The following DAGLA variants were observed in gnomAD, a reference collection of about 807,000 sequenced individuals.
DAGLA encodes diacylglycerol lipase alpha, also known as diacylglycerol lipase-alpha.
In DAGLA, 22 loss-of-function variants were observed where a neutral mutation model predicts 102.6. That is an observed-to-expected ratio of 0.21 (90% CI 0.15 to 0.31). The LOEUF is 0.31. Among genes scored for constraint, DAGLA ranks in the 10% least tolerant of loss-of-function variants. The probability of loss-of-function intolerance (pLI) is 1.00; values close to 1 mark genes in which losing one functional copy is unlikely to be tolerated. For missense variants in DAGLA, 927 were observed against 1,446.6 expected (o/e 0.64, Z 5.83); for synonymous variants, 578 against 628.9 (o/e 0.92, Z 1.21).
chr11:61,717,348 T>C (rs1306839430), intron 1 of DAGLA, among the ~76,000 whole-genome samples: 1 of 151,948 alleles, frequency 6.6e-6, no homozygotes, highest in African/African-American at 2.4e-5. Flanking sequence ...CCAACCCTTA[T>C]GCAGCACAGG....
chr11:61,702,222 T>C (rs2065114834), intron 1 of DAGLA, among the ~76,000 whole-genome samples: 1 of 151,812 alleles, frequency 6.6e-6, no homozygotes. Flanking sequence ...CTCTCTCTCT[T>C]TCTCTCTCTC....
intron 16 of DAGLA, 68 bp from the exon 17 acceptor site, chr11:61,739,397 C>T (rs2065455745): frequency 2.0e-6 from 3 of 1,510,688 alleles, no homozygotes; most frequent in Non-Finnish European, 2.7e-6. Flanking sequence ...TTCTCGGTCC[C>T]CCTGCCCCTG....
intron 17 of DAGLA, among the ~76,000 whole-genome samples, chr11:61,739,893 C>T (rs1565264983): frequency 1.3e-5 from 2 of 152,226 alleles, no homozygotes; most frequent in Non-Finnish European, 2.9e-5. Context: ...GCTTTGCCTC[C>T]AGTGTCAGCC....
rs2064971263 is a variant in DAGLA at position 61,684,584 on chromosome 11, G to A, written c.-45+4080G>A. Among the ~76,000 whole-genome samples the A allele has an allele frequency of 6.6e-6, 1 of 152,120 alleles. No individual in the cohort carries two copies. The highest frequency in any genetic ancestry group is 6.5e-5 in the Admixed American group (1 of 15,274). On this transcript the variant is annotated intron_variant, in intron 1 of 19. Transcript: ENST00000257215. The surrounding 1 kb of genome is among the most constrained non-coding windows in gnomAD (Gnocchi z 4.5). ...CAGGGAGATGCCGTGGAGGGGATTG[G>A]TGTGACCACGGGTAAGGGTGTTTTC... is the stretch of plus-strand genomic sequence containing the variant.
At chr11:61,683,934 C>A (rs546050363) in intron 1 of DAGLA, among the ~76,000 whole-genome samples, 1 of 152,294 alleles carries the variant, frequency 6.6e-6, no homozygotes, top group African/African-American at 2.4e-5. Flanking sequence ...AGTCATATTC[C>A]CATTTTCCTT....
intron 5 of DAGLA, 72 bp from the exon 6 acceptor site, chr11:61,725,923 C>T: frequency 7.1e-7 from 1 of 1,412,686 alleles, no homozygotes; most frequent in Non-Finnish European, 1.0e-6. Context: ...GCCCTGTTTC[C>T]ATAACGTCTG....
chr11:61,682,727 G>T (rs1426165138), intron 1 of DAGLA, among the ~76,000 whole-genome samples: 4 of 152,128 alleles, frequency 2.6e-5, no homozygotes, highest in Admixed American at 6.5e-5. Flanking sequence ...GGGGTGGGGA[G>T]CAGTCACATC....
chr11:61,736,171 A>G, intron 12 of DAGLA, 99 bp from the exon 13 acceptor site: 1 of 1,024,816 alleles, frequency 9.8e-7, no homozygotes, highest in Non-Finnish European at 1.5e-6. Flanking sequence ...CCAAAGGGAA[A>G]AATGGATGGG....
chr11:61,743,806 G>A lies in DAGLA; in HGVS notation c.2446G>A (p.Asp816Asn). The A allele has an allele frequency of 1.9e-6, 3 of 1,612,570 alleles. No homozygotes were observed. The highest frequency in any genetic ancestry group is 2.5e-6 in the Non-Finnish European group (3 of 1,179,948). The change falls in exon 20 of 20, where the codon GAT (aspartate) becomes AAT (asparagine). Residue 816 changes from aspartate (D) to asparagine (N), a missense_variant. This residue lies in a region of DAGLA where 434 missense variants were observed against 503.3 expected (regional missense o/e 0.86). Coordinates refer to ENST00000257215, the MANE Select transcript of DAGLA (RefSeq NM_006133.3). ...CAGCCTCCACGCTGTGCTGGAGCGT[G>A]ATGAAGGCCACCTCTTCTACATTGA... ...SPSLHAVLER[D>N]EGHLFYIDPA...
chr11:61,741,212 G>A lies in DAGLA; in HGVS notation c.2034G>A (p.Lys678=). ...KGKTALLSAA[K]VMVSPTEVDL... ...AGACCGCTCTGCTCTCTGCAGCCAAGGTCATGGTGAGCCCTACCGAGGTGG... is the reference window on the plus strand; with the variant it reads ...AGACCGCTCTGCTCTCTGCAGCCAAAGTCATGGTGAGCCCTACCGAGGTGG... The change falls in exon 19 of 20, where the codon AAG becomes AAA. Residue 678 remains lysine, a synonymous_variant. Transcript: ENST00000257215. 1 of 1,613,618 alleles carries A rather than the reference G, an allele frequency of 6.2e-7. No individual in the cohort carries two copies. Among genetic ancestry groups the A allele is most frequent in the East Asian group, 2.2e-5 (1 of 44,890 alleles).
chr11:61,730,872 C>G (rs534263721), intron 8 of DAGLA, among the ~76,000 whole-genome samples: 1 of 152,334 alleles, frequency 6.6e-6, no homozygotes, highest in South Asian at 2.1e-4. Context: ...TGCCCTGTTG[C>G]CCAAGGCCCA....
At position 61,712,933 on chromosome 11, in the gene DAGLA, C is replaced by T. The variant is rs1478152081; in HGVS notation, c.-44-7179C>T. Among the ~76,000 whole-genome samples, 8 of 152,188 alleles carry T rather than the reference C, an allele frequency of 5.3e-5. 1 individual carries two copies. Among genetic ancestry groups the T allele is most frequent in the Admixed American group, 6.5e-5 (1 of 15,288 alleles). ...TGAAATCCCAGCTCTGCGATGTCCT[C>T]GTGGAGGGATCTTCGTGCAAACCAT... On this transcript the variant is annotated intron_variant, in intron 1 of 19. Transcript: ENST00000257215.
chr11:61,720,350 C>A, intron 2 of DAGLA, 100 bp downstream of exon 2: 2 of 1,210,690 alleles, frequency 1.7e-6, no homozygotes, highest in Non-Finnish European at 2.4e-6. Context: ...GCCCAAGTCC[C>A]AACCCTGTCA....
At chr11:61,716,898 C>T (rs1436173859) in intron 1 of DAGLA, among the ~76,000 whole-genome samples, 1 of 152,120 alleles carries the variant, frequency 6.6e-6, no homozygotes, top group African/African-American at 2.4e-5. Flanking sequence ...TAAGTCATTC[C>T]ATCCATGTGA....
At chr11:61,710,728 C>CG (rs2065187960) in intron 1 of DAGLA, among the ~76,000 whole-genome samples, 1 of 152,114 alleles carries the variant, frequency 6.6e-6, no homozygotes, top group African/African-American at 2.4e-5. Context: ...ACTTAGATCG[C>CG]GGAGAGTTAT....
rs541239821 is a variant in DAGLA at position 61,723,155 on chromosome 11, A to G, written c.409+195A>G. Among the ~76,000 whole-genome samples the G allele has an allele frequency of 2.6e-5, 4 of 152,270 alleles. No homozygotes were observed. In the East Asian group the frequency reaches 7.7e-4, roughly 29 times the overall value. Reference sequence around the variant, plus strand: ...TACCTGGTCTGGGGTGGGCTGCAGCAGGCACAGAGCTGCTCAGGTCAAGCC... The same window carrying G: ...TACCTGGTCTGGGGTGGGCTGCAGCGGGCACAGAGCTGCTCAGGTCAAGCC... On this transcript the variant is annotated intron_variant, in intron 4 of 19. Transcript: ENST00000257215.
chr11:61,731,306 C>A lies in DAGLA; in HGVS notation c.850-11C>A, dbSNP rs1185607020. ...GCAGGAGGTGACCGCCCTCTGCCTCCTCTCTTCTAGCAAGAGATGCTCCGC... is the reference window on the plus strand; with the variant it reads ...GCAGGAGGTGACCGCCCTCTGCCTCATCTCTTCTAGCAAGAGATGCTCCGC... On this transcript the variant is annotated splice_polypyrimidine_tract_variant and intron_variant, in intron 8 of 19. Transcript: ENST00000257215. 6.2e-7 allele frequency: 1 copy of A among 1,613,414 alleles called. No individual in the cohort carries two copies. Among genetic ancestry groups the A allele is most frequent in the Admixed American group, 1.7e-5 (1 of 60,000 alleles).
intron 1 of DAGLA, among the ~76,000 whole-genome samples, chr11:61,685,126 A>C (rs2064977003): frequency 6.6e-6 from 1 of 151,934 alleles, no homozygotes; most frequent in African/African-American, 2.4e-5. Context: ...ATTGTAGCCC[A>C]TGGGTAGTTA....
At chr11:61,712,498 C>T (rs2065201982) in intron 1 of DAGLA, among the ~76,000 whole-genome samples, 1 of 152,204 alleles carries the variant, frequency 6.6e-6, no homozygotes, top group Non-Finnish European at 1.5e-5. Flanking sequence ...GCACAAGGCA[C>T]ACTGTTTTCA....
Sources: gnomAD v4.1 joint callset for allele counts (sites outside exome capture counted in the v4.1 genomes callset) on GRCh38, gnomAD v4.1.1 for gene constraint, gnomAD v4.1.1 regional missense constraint, Gnocchi (gnomAD v3.1) non-coding constraint, MANE v1.5 for transcripts, NCBI Gene and HGNC (gene_info 2026-07-23, HGNC 2026-07-21) for gene names.